ANKMY2: variants seen among roughly 807,000 people sequenced by gnomAD.
ANKMY2 encodes the protein ankyrin repeat and MYND domain containing 2.
A neutral mutation model predicts 50.4 loss-of-function variants in ANKMY2; 36 were observed. The ratio of observed to expected loss-of-function variants is 0.71; its 90% CI spans 0.55 to 0.94. The LOEUF is 0.94. ANKMY2 is among the 40% of genes least tolerant of loss of function. ANKMY2 has a pLI of 0.00. For synonymous variants in ANKMY2, 187 were observed against 178.8 expected, an observed-to-expected ratio of 1.05 and a Z score of -0.36; for missense variants, 565 against 524.0, an observed-to-expected ratio of 1.08 and a Z score of -0.76.
At chr7:16,639,773 C>A (rs957547840) in intron 1 of ANKMY2, among the ~76,000 whole-genome samples, 28 of 152,208 alleles carry the variant, frequency 1.8e-4, no homozygotes, top group African/African-American at 6.5e-4. Context: ...TAAAGTGAGA[C>A]CCTGTCTCAA....
At chr7:16,635,868 T>G (rs1781652240) in intron 2 of ANKMY2, among the ~76,000 whole-genome samples, 1 of 152,214 alleles carries the variant, frequency 6.6e-6, no homozygotes, top group Admixed American at 6.5e-5. Flanking sequence ...AATATGATTT[T>G]GACTTTATTT....
In ANKMY2 at chr7:16,645,373, G is replaced by A. The variant is rs541487673; in HGVS notation, c.67+134C>T. The stretch of plus-strand genomic sequence containing the variant: ...CCTTTCCCAGACCAAAGGGAGAAAC[G>A]CTCTTTCCCGGTTCCAGGCTGCAAA... On this transcript the variant is annotated intron_variant, in intron 1 of 9. Transcript: ENST00000306999. 21 of 849,420 alleles carry A rather than the reference G, an allele frequency of 2.5e-5. No individual in the cohort carries two copies. The Admixed American group carries it at 4.5e-4, about 18-fold the overall frequency. The allele number at this position is 849,420 out of a possible 1,614,324, so 52.6% of individuals were successfully genotyped here.
chr7:16,604,866 G>A lies in ANKMY2; in HGVS notation c.883-17C>T, dbSNP rs776310352. 6.3e-7 allele frequency: 1 copy of A among 1,593,266 alleles called. No homozygotes were observed. The highest frequency in any genetic ancestry group is 1.1e-5 in the South Asian group (1 of 88,548). On this transcript the variant is annotated splice_polypyrimidine_tract_variant and intron_variant, in intron 7 of 9. Coordinates refer to ENST00000306999, the MANE Select transcript of ANKMY2 (RefSeq NM_020319.3). ...ATCAGAACCCTAGAGTGGGCATGAA[G>A]AGGAGAAAAAACAAATTCTGAAATC...
chr7:16,600,608 C>G lies in ANKMY2; in HGVS notation c.*153G>C. The G allele has an allele frequency of 1.9e-6, 1 of 515,024 alleles. No homozygotes were observed. Among genetic ancestry groups the G allele is most frequent in the Non-Finnish European group, 3.1e-6 (1 of 323,700 alleles). The allele number at this position is 515,024 out of a possible 1,614,324, so 31.9% of individuals were successfully genotyped here. The stretch of plus-strand genomic sequence containing the variant: ...AATCAATAGGAAATTAGGGCATGGT[C>G]AACAGGGGTTTGCTTGAAAACCTGT... On this transcript the variant is annotated 3_prime_UTR_variant, in exon 10 of 10. Transcript: ENST00000306999.
intron 7 of ANKMY2, 81 bp from the exon 8 acceptor site, chr7:16,604,930 T>C (rs747989042): frequency 2.9e-6 from 4 of 1,365,288 alleles, no homozygotes; most frequent in Non-Finnish European, 3.9e-6. Flanking sequence ...CCACGGACAC[T>C]GCCGTCCTAC....
chr7:16,624,081 G>A (rs62443213), intron 4 of ANKMY2, among the ~76,000 whole-genome samples: 45,755 of 151,888 alleles, frequency 0.3, 8,283 homozygotes, highest in Non-Finnish European at 0.39. Context: ...ATGTGTTTTC[G>A]CACCATTTGT....
At chr7:16,614,711 C>T (rs897668296) in intron 5 of ANKMY2, among the ~76,000 whole-genome samples, 6 of 152,316 alleles carry the variant, frequency 3.9e-5, no homozygotes, top group Admixed American at 2.0e-4. Flanking sequence ...ATTCTTCTTT[C>T]GTAATAAACT....
chr7:16,609,666 G>C lies in ANKMY2; in HGVS notation c.846C>G (p.Leu282=), dbSNP rs149044205. 3.3e-4 allele frequency: 537 copies of C among 1,611,560 alleles called. 5 individuals carry two copies. In the African/African-American group the frequency reaches 6.4e-3, roughly 19 times the overall value. ...GAGCAATGCTTCGAACCAGCTGCTGGAGGAGTGTAGCTTCACAGTAAGGAA... is the reference window on the plus strand; with the variant it reads ...GAGCAATGCTTCGAACCAGCTGCTGCAGGAGTGTAGCTTCACAGTAAGGAA... ...RKFPYCEATL[L]QQLVRSIAPV... The change falls in exon 7 of 10, where the codon CTC becomes CTG. Residue 282 remains leucine, a synonymous_variant. Transcript: ENST00000306999.
rs1173854565 is a variant in ANKMY2, at chr7:16,619,191, T to C, written c.371-3287A>G. Among the ~76,000 whole-genome samples, 7 of 152,230 alleles carry C rather than the reference T, an allele frequency of 4.6e-5. No individual in the cohort carries two copies. In the South Asian group the frequency reaches 6.2e-4, roughly 14 times the overall value. On this transcript the variant is annotated intron_variant, in intron 4 of 9. Coordinates refer to ENST00000306999, the MANE Select transcript of ANKMY2 (RefSeq NM_020319.3). ...TTTTTGAGATGGAGTTTTGCTCTTT[T>C]TGCCCAGGCTAGAGTGCAATGGCGC...
intron 9 of ANKMY2, among the ~76,000 whole-genome samples, chr7:16,601,785 G>T (rs927485977): frequency 1.3e-5 from 2 of 152,138 alleles, no homozygotes; most frequent in Admixed American, 1.3e-4. Flanking sequence ...TCTCCAATCT[G>T]ATAATCACTG....
intron 2 of ANKMY2, among the ~76,000 whole-genome samples, chr7:16,634,079 T>C (rs1781623728): frequency 6.6e-6 from 1 of 152,162 alleles, no homozygotes; most frequent in Non-Finnish European, 1.5e-5. Flanking sequence ...CCCTTCTGCA[T>C]GAGAAATTGA....
intron 5 of ANKMY2, among the ~76,000 whole-genome samples, chr7:16,613,920 CAAAA>C (rs143274762): frequency 1.8e-5 from 2 of 111,904 alleles, no homozygotes; most frequent in Non-Finnish European, 3.7e-5. Flanking sequence ...GACCCTATCT[CAAAA>C]AAAAAAAAAA....
At chr7:16,629,586 C>A (rs750470137) in intron 2 of ANKMY2, among the ~76,000 whole-genome samples, 2 of 151,828 alleles carry the variant, frequency 1.3e-5, no homozygotes, top group Non-Finnish European at 2.9e-5. Context: ...GCTGTGCAAT[C>A]TCTGAAACTG....
At chr7:16,620,623 C>T (rs1026158837) in intron 4 of ANKMY2, among the ~76,000 whole-genome samples, 2 of 149,048 alleles carry the variant, frequency 1.3e-5, no homozygotes, top group African/African-American at 4.9e-5. Context: ...CACACACACA[C>T]AGATGCATGC....
rs367811460 is a variant in ANKMY2 at position 16,627,193 on chromosome 7, G to A, written c.133-15C>T. The A allele has an allele frequency of 4.5e-6, 7 of 1,538,936 alleles. No individual in the cohort carries two copies. The Admixed American group carries it at 5.9e-5, about 13-fold the overall frequency. ...GTCATTCCATTCTTTAATAGAAAGA[G>A]GAAAAAAGTATTAATTTTACTGTTT... On this transcript the variant is annotated splice_polypyrimidine_tract_variant and intron_variant, in intron 2 of 9. Transcript: ENST00000306999.
At chr7:16,644,223 C>A (rs1465314152) in intron 1 of ANKMY2, among the ~76,000 whole-genome samples, 1 of 152,210 alleles carries the variant, frequency 6.6e-6, no homozygotes, top group Non-Finnish European at 1.5e-5. Context: ...ACAGGAAGAA[C>A]TGAAAGACTG....
At chr7:16,607,336 C>T (rs1050927474) in intron 7 of ANKMY2, among the ~76,000 whole-genome samples, 10 of 152,054 alleles carry the variant, frequency 6.6e-5, no homozygotes, top group South Asian at 2.1e-4. Flanking sequence ...GAGGCCAAGG[C>T]GGGCAGATCA....
At chr7:16,636,582 G>C (rs1378187181) in intron 1 of ANKMY2, 127 bp from the exon 2 acceptor site, 13 of 561,994 alleles carry the variant, frequency 2.3e-5, no homozygotes, top group Non-Finnish European at 3.0e-5. Flanking sequence ...AGGTTGCTAA[G>C]AAATGAAACA....
intron 7 of ANKMY2, among the ~76,000 whole-genome samples, chr7:16,605,476 T>C (rs1781140133): frequency 6.6e-6 from 1 of 152,002 alleles, no homozygotes; most frequent in Non-Finnish European, 1.5e-5. Flanking sequence ...AAAATTAAAA[T>C]AGGTTAAAAA....
Sources: allele counts gnomAD v4.1 joint callset (sites outside exome capture counted in the v4.1 genomes callset), GRCh38; gene constraint gnomAD v4.1.1; transcripts MANE v1.5; gene names NCBI Gene and HGNC (gene_info 2026-07-23, HGNC 2026-07-21).